C8orf34: variants seen among roughly 807,000 people sequenced by gnomAD.
C8orf34 encodes the protein uncharacterized protein C8orf34.
C8orf34 carries 65 observed loss-of-function variants against 68.3 expected under a neutral mutation model. The observed-to-expected ratio is 0.95, with a 90% CI of 0.78 to 1.17. The LOEUF (loss-of-function observed/expected upper bound fraction) is 1.17. C8orf34 is among the 50% of genes most tolerant of loss of function. The pLI, the probability that C8orf34 is intolerant of heterozygous loss-of-function variation, is 0.00. For missense variants in C8orf34, 664 were observed against 655.4 expected (o/e 1.01, Z -0.14); for synonymous variants, 244 against 241.2 (o/e 1.01, Z -0.11).
chr8:68,374,808 T>C (rs1807722067), intron 1 of C8orf34, among the ~76,000 whole-genome samples: 1 of 152,212 alleles, frequency 6.6e-6, no homozygotes, highest in African/African-American at 2.4e-5. Context: ...TAAAAATTAT[T>C]CAAATACCAG....
chr8:68,634,089 G>A (rs543594898), intron 7 of C8orf34, among the ~76,000 whole-genome samples: 15 of 152,272 alleles, frequency 9.9e-5, no homozygotes, highest in Non-Finnish European at 1.8e-4. Context: ...GGTAAATTGT[G>A]AAGAATCTAA....
chr8:68,739,203 T>A (rs373554121), intron 10 of C8orf34, among the ~76,000 whole-genome samples: 1 of 152,214 alleles, frequency 6.6e-6, no homozygotes, highest in South Asian at 2.1e-4. Flanking sequence ...CATGATTATC[T>A]CAATAGATAC....
intron 3 of C8orf34, among the ~76,000 whole-genome samples, chr8:68,450,727 A>G (rs73262707): frequency 0.12 from 18,204 of 152,112 alleles, 1,255 homozygotes; most frequent in African/African-American, 0.17. Context: ...CATGCTGGAA[A>G]CGGATGTGCT....
At chr8:68,621,532 T>C (rs569557999) in intron 7 of C8orf34, among the ~76,000 whole-genome samples, 1 of 152,322 alleles carries the variant, frequency 6.6e-6, no homozygotes, top group South Asian at 2.1e-4. Flanking sequence ...ATATAAAATA[T>C]TCTACGGTCA....
chr8:68,659,305 C>T (rs1343714858), intron 8 of C8orf34, among the ~76,000 whole-genome samples: 1 of 152,142 alleles, frequency 6.6e-6, no homozygotes, highest in Non-Finnish European at 1.5e-5. Context: ...AATTTTGGCT[C>T]ATCTCACACA....
chr8:68,353,686 T>G (rs1806622076), intron 1 of C8orf34, among the ~76,000 whole-genome samples: 1 of 149,246 alleles, frequency 6.7e-6, no homozygotes, highest in Admixed American at 6.7e-5. Flanking sequence ...GTTCTGCATC[T>G]GTGGATTCAA....
chr8:68,556,480 A>G (rs1586369085), intron 7 of C8orf34, among the ~76,000 whole-genome samples: 1 of 152,070 alleles, frequency 6.6e-6, no homozygotes, highest in Non-Finnish European at 1.5e-5. Context: ...CTAACAGTGC[A>G]AACTCTGTAG....
At chr8:68,497,615 C>G (rs1436413724) in intron 5 of C8orf34, among the ~76,000 whole-genome samples, 3 of 152,044 alleles carry the variant, frequency 2.0e-5, no homozygotes, top group African/African-American at 7.2e-5. Context: ...CCAAAATGTC[C>G]ATTAAAATAA....
chr8:68,410,373 T>C (rs929005048), intron 1 of C8orf34, among the ~76,000 whole-genome samples: 1 of 152,128 alleles, frequency 6.6e-6, no homozygotes, highest in Admixed American at 6.6e-5. Context: ...ATAATACAAA[T>C]GAAAACAGTA....
intron 3 of C8orf34, among the ~76,000 whole-genome samples, chr8:68,465,281 C>T (rs1812064570): frequency 6.6e-6 from 1 of 151,038 alleles, no homozygotes; most frequent in Admixed American, 6.6e-5. Context: ...GAATGGCAAT[C>T]ATTAAAAAGT....
intron 8 of C8orf34, among the ~76,000 whole-genome samples, chr8:68,649,938 A>C (rs563025556): frequency 6.6e-6 from 1 of 152,250 alleles, no homozygotes; most frequent in East Asian, 1.9e-4. Flanking sequence ...TGGTTACTTC[A>C]GTTTTTAGCA....
At chr8:68,454,086 T>G (rs1454532821) in intron 3 of C8orf34, among the ~76,000 whole-genome samples, 1 of 152,084 alleles carries the variant, frequency 6.6e-6, no homozygotes, top group Non-Finnish European at 1.5e-5. Flanking sequence ...TTTTATAATT[T>G]TCTTAAGTAA....
intron 8 of C8orf34, among the ~76,000 whole-genome samples, chr8:68,655,209 C>G (rs945785362): frequency 1.3e-5 from 2 of 151,966 alleles, no homozygotes; most frequent in African/African-American, 4.8e-5. Context: ...AATTTTGGTG[C>G]AAAAATCTAA....
chr8:68,407,997 A>G (rs979952479), intron 1 of C8orf34, among the ~76,000 whole-genome samples: 1 of 152,146 alleles, frequency 6.6e-6, no homozygotes, highest in Admixed American at 6.6e-5. Context: ...TTACAGGTCC[A>G]TGACCTGTTA....
intron 5 of C8orf34, among the ~76,000 whole-genome samples, chr8:68,500,006 C>T (rs569168922): frequency 2.6e-5 from 4 of 152,250 alleles, no homozygotes; most frequent in South Asian, 2.1e-4. Context: ...CGACCATCCT[C>T]CTCACTCTCT....
At chr8:68,535,903 C>T (rs996938751) in intron 7 of C8orf34, 1 of 973,570 alleles carries the variant, frequency 1.0e-6, no homozygotes, top group African/African-American at 1.8e-5. Flanking sequence ...AGTAAAGTAT[C>T]TGCCAAGTCA....
chr8:68,684,083 C>A (rs1259658035), intron 8 of C8orf34, among the ~76,000 whole-genome samples: 2 of 152,000 alleles, frequency 1.3e-5, no homozygotes, highest in Non-Finnish European at 2.9e-5. Flanking sequence ...TCTTTTACTT[C>A]CTCTATCTTG....
intron 1 of C8orf34, among the ~76,000 whole-genome samples, chr8:68,368,722 G>T (rs941635134): frequency 3.3e-5 from 5 of 152,078 alleles, no homozygotes; most frequent in African/African-American, 1.2e-4. Flanking sequence ...ATTACCATAT[G>T]ATTTTTTTCC....
At chr8:68,782,710 C>A (rs1201138893) in intron 11 of C8orf34, among the ~76,000 whole-genome samples, 1 of 152,072 alleles carries the variant, frequency 6.6e-6, no homozygotes, top group African/African-American at 2.4e-5. Flanking sequence ...ATTAAAAGGC[C>A]ATTTTCAAGA....
Sources: gnomAD v4.1 joint callset for allele counts (sites outside exome capture counted in the v4.1 genomes callset) on GRCh38, gnomAD v4.1.1 for gene constraint, MANE v1.5 for transcripts, NCBI Gene and HGNC (gene_info 2026-07-23, HGNC 2026-07-21) for gene names.